The following DLG1 variants were observed in gnomAD, a reference collection of about 807,000 sequenced individuals.
DLG1 encodes disks large homolog 1.
A neutral mutation model predicts 123.4 loss-of-function variants in DLG1; 42 were observed. The observed-to-expected ratio is 0.34, with a 90% CI of 0.27 to 0.44. The LOEUF (loss-of-function observed/expected upper bound fraction) is 0.44. DLG1 is among the 20% of genes least tolerant of loss of function. The probability of loss-of-function intolerance (pLI) is 1.00; values close to 1 mark genes in which losing one functional copy is unlikely to be tolerated. For synonymous variants in DLG1, 317 were observed against 356.2 expected, an observed-to-expected ratio of 0.89 and a Z score of 1.24; for missense variants, 942 against 1,082.6, an observed-to-expected ratio of 0.87 and a Z score of 1.82.
At position 197,149,759 on chromosome 3, in the gene DLG1, A is replaced by G. The variant is rs762355011; in HGVS notation, c.521T>C (p.Leu174Ser). 8 of 1,603,000 alleles carry G rather than the reference A, an allele frequency of 5.0e-6. No homozygotes were observed. Among genetic ancestry groups the G allele is most frequent in the Non-Finnish European group, 5.1e-6 (6 of 1,170,720 alleles). Residue 174 changes from leucine to serine, a missense_variant, in exon 6 of 25, where the codon TTG becomes TCG. Leu to Ser is a moderately radical substitution (Grantham distance 145, BLOSUM62 -2). Transcript: ENST00000667157. ...GGAACTTACGTAAGTTGGTGTTTCCAAGCTATCTGTGTTGACCAGTACTGG... is the reference window on the plus strand; with the variant it reads ...GGAACTTACGTAAGTTGGTGTTTCCGAGCTATCTGTGTTGACCAGTACTGG... ...PPPVLVNTDS[L>S]ETPTYVNGTD...
Position 197,149,185 on chromosome 3 carries a change from C to T in DLG1, c.537+558G>A, listed in dbSNP as rs560306636. ...ATCCTTATTACCCCATAAACAAACC[C>T]TGTACCTATTAGCAGTCACTCCCCA... On this transcript the variant is annotated intron_variant, in intron 6 of 24. Coordinates refer to ENST00000667157, the MANE Select transcript of DLG1 (RefSeq NM_001366207.1). Among the ~76,000 whole-genome samples the T allele has an allele frequency of 8.5e-5, 13 of 152,230 alleles. No individual in the cohort carries two copies. The South Asian group carries it at 2.7e-3, about 32-fold the overall frequency.
chr3:197,081,138 ATTT>A, intron 16 of DLG1, 21 bp from the exon 17 acceptor site: 1 of 1,603,374 alleles, frequency 6.2e-7, no homozygotes. Context: ...ATAGAATGTT[ATTT>A]TTTAAGTAAA....
At chr3:197,141,834 G>A (rs1167628932) in intron 7 of DLG1, among the ~76,000 whole-genome samples, 3 of 152,088 alleles carry the variant, frequency 2.0e-5, no homozygotes, top group African/African-American at 7.2e-5. Flanking sequence ...CCTGATTCGA[G>A]TAGCTGGGAT....
intron 4 of DLG1, among the ~76,000 whole-genome samples, chr3:197,259,671 A>C (rs1044240591): frequency 6.6e-6 from 1 of 152,172 alleles, no homozygotes; most frequent in African/African-American, 2.4e-5. Context: ...AAAATAAAAG[A>C]AGCCAAACTT....
intron 13 of DLG1, among the ~76,000 whole-genome samples, chr3:197,105,291 A>T (rs538525875): frequency 4.4e-4 from 67 of 152,342 alleles, no homozygotes; most frequent in African/African-American, 1.6e-3. Context: ...AATGTACCTT[A>T]ATTTGAGAAC....
intron 5 of DLG1, among the ~76,000 whole-genome samples, chr3:197,185,118 C>T (rs1034701738): frequency 2.6e-5 from 4 of 152,226 alleles, no homozygotes; most frequent in African/African-American, 7.2e-5. Context: ...TGAACAAAAA[C>T]GCTACTTGAT....
At chr3:197,092,280 T>C (rs980300906) in intron 14 of DLG1, among the ~76,000 whole-genome samples, 1 of 152,210 alleles carries the variant, frequency 6.6e-6, no homozygotes, top group African/African-American at 2.4e-5. Context: ...TATTTTAGCG[T>C]TGTATCTGCT....
intron 4 of DLG1, among the ~76,000 whole-genome samples, chr3:197,226,518 G>C (rs1740038637): frequency 6.6e-6 from 1 of 152,118 alleles, no homozygotes; most frequent in Non-Finnish European, 1.5e-5. Context: ...ACTGTAGTCT[G>C]ATTTAAAATA....
chr3:197,232,361 TAAA>T (rs34360912), intron 4 of DLG1, among the ~76,000 whole-genome samples: 20 of 121,214 alleles, frequency 1.6e-4, no homozygotes, highest in Non-Finnish European at 1.9e-4. Flanking sequence ...CCTTGTCTCT[TAAA>T]AAAAAAAAAA....
Position 197,090,307 on chromosome 3 carries a change from G to GA in DLG1, c.1661+604dup, listed in dbSNP as rs36030396. On this transcript the variant is annotated intron_variant, in intron 15 of 24. Transcript: ENST00000667157. ...TTTAAGTCTTATAAGCCAACGAAAT[G>GA]AAAAAAAAAAAAAGAAACACCCCAG... Among the ~76,000 whole-genome samples the GA allele has an allele frequency of 8.9e-3, 1,290 of 145,106 alleles. 16 individuals carry two copies. Among genetic ancestry groups the GA allele is most frequent in the Middle Eastern group, 0.018 (5 of 284 alleles).
rs1354190896 is a variant in DLG1 at position 197,136,562 on chromosome 3, T to C, written c.1000A>G (p.Ile334Val). 2 of 1,611,872 alleles carry C rather than the reference T, an allele frequency of 1.2e-6. No homozygotes were observed. The highest frequency in any genetic ancestry group is 8.5e-7 in the Non-Finnish European group (1 of 1,179,270). The stretch of plus-strand genomic sequence containing the variant: ...CTTACTGCTAAAAGTTTATCTCCAA[T>C]CTGAAGTTTGCCATCCTTATGTGCT... The part of the protein sequence containing the change: ...GAAHKDGKLQ[I>V]GDKLLAVNNV... The change falls in exon 10 of 25, where the codon ATT becomes GTT. Residue 334 changes from isoleucine (I) to valine (V), a missense_variant. Coordinates refer to ENST00000667157, the MANE Select transcript of DLG1 (RefSeq NM_001366207.1).
chr3:197,110,275 T>C (rs1020439032), intron 13 of DLG1, among the ~76,000 whole-genome samples: 6 of 152,240 alleles, frequency 3.9e-5, no homozygotes, highest in South Asian at 2.1e-4. Flanking sequence ...AAATCTGCTG[T>C]TGACCTTGTC....
intron 4 of DLG1, among the ~76,000 whole-genome samples, chr3:197,249,481 G>A (rs751008632): frequency 4.1e-4 from 62 of 151,020 alleles, no homozygotes; most frequent in Non-Finnish European, 8.3e-4. Context: ...AAAAGCCCAG[G>A]ACCTAATGGC....
rs56865627 is a variant in DLG1, at chr3:197,163,687, ATTTTTTT to A, written c.484-13898_484-13892del. 7.2e-3 allele frequency among the ~76,000 whole-genome samples: 731 copies of A among 102,064 alleles called. 21 individuals carry two copies. The highest frequency in any genetic ancestry group is 0.062 in the Admixed American group (542 of 8,708). The allele number at this position is 102,064 out of a possible 152,430, so 67.0% of individuals were successfully genotyped here. A position where few individuals can be genotyped will look rare whatever the true frequency, so the allele number is the denominator to read the frequency against. ...CAGGCACCTGCCACCATGCTCAGCTATTTTTTTTTTTTTTTTTTTTTTTGTATTTTTA... is the reference window on the plus strand; with the variant it reads ...CAGGCACCTGCCACCATGCTCAGCTATTTTTTTTTTTTTTTTGTATTTTTA... On this transcript the variant is annotated intron_variant, in intron 5 of 24. Transcript: ENST00000667157.
chr3:197,281,824 G>C (rs1285371989), intron 4 of DLG1, among the ~76,000 whole-genome samples: 1 of 152,144 alleles, frequency 6.6e-6, no homozygotes, highest in Non-Finnish European at 1.5e-5. Context: ...GATCAGATGT[G>C]CTCCGATTCT....
chr3:197,244,295 G>C (rs1302941409), intron 4 of DLG1, among the ~76,000 whole-genome samples: 1 of 152,204 alleles, frequency 6.6e-6, no homozygotes, highest in Non-Finnish European at 1.5e-5. Context: ...TGTTGGAAGG[G>C]AACTACCATA....
chr3:197,193,968 T>C (rs1721054942), intron 5 of DLG1, among the ~76,000 whole-genome samples: 1 of 152,062 alleles, frequency 6.6e-6, no homozygotes, highest in Non-Finnish European at 1.5e-5. Context: ...TGCAGGCATG[T>C]GTCATCATGC....
Position 197,065,228 on chromosome 3 carries a change from A to G in DLG1, c.2373+48T>C, listed in dbSNP as rs750770654. On this transcript the variant is annotated intron_variant, in intron 22 of 24. Transcript: ENST00000667157. ...TCCTACCAGTCTTGCATACTGTCAA[A>G]GGCATATCTGATTAGAAGCTATATT... is the stretch of plus-strand genomic sequence containing the variant. 2.0e-6 allele frequency: 3 copies of G among 1,524,702 alleles called. No individual in the cohort carries two copies. The Admixed American group carries it at 6.5e-5, about 33-fold the overall frequency. The allele number at this position is 1,524,702 out of a possible 1,614,324, so 94.4% of individuals were successfully genotyped here.
chr3:197,238,143 C>A (rs1054020147), intron 4 of DLG1, among the ~76,000 whole-genome samples: 1 of 152,130 alleles, frequency 6.6e-6, no homozygotes, highest in African/African-American at 2.4e-5. Context: ...GGAAGCAGTG[C>A]CCCACCTTTC....
Sources: allele counts gnomAD v4.1 joint callset (sites outside exome capture counted in the v4.1 genomes callset), GRCh38; gene constraint gnomAD v4.1.1; transcripts MANE v1.5; gene names NCBI Gene and HGNC (gene_info 2026-07-23, HGNC 2026-07-21).